TSPOAP1: variants seen among roughly 807,000 people sequenced by gnomAD.
The protein encoded by TSPOAP1 is peripheral-type benzodiazepine receptor-associated protein 1.
In TSPOAP1, 87 loss-of-function variants were observed where a neutral mutation model predicts 197.0. That is an observed-to-expected ratio of 0.44 (90% CI 0.37 to 0.53). The LOEUF is 0.53. TSPOAP1 is among the 20% of genes least tolerant of loss of function. The pLI is 0.00. For missense variants in TSPOAP1, 2,174 were observed against 2,411.3 expected, an observed-to-expected ratio of 0.90 and a Z score of 2.06; for synonymous variants, 913 against 998.9, an observed-to-expected ratio of 0.91 and a Z score of 1.62.
In TSPOAP1 at chr17:58,326,451, T is replaced by C. The variant is rs1316151050; in HGVS notation, c.442-30A>G. 35 of 1,611,314 alleles carry C rather than the reference T, an allele frequency of 2.2e-5. No homozygotes were observed. The highest frequency in any genetic ancestry group is 2.8e-5 in the Non-Finnish European group (33 of 1,179,282). ...CAAGGGGTCAGGCAGAATTGGGGCA[T>C]GTAGGGAGCACCCCACAGACCCAGT... On this transcript the variant is annotated intron_variant, in intron 2 of 31. Transcript: ENST00000343736. The surrounding 1 kb of genome is among the most constrained non-coding windows in gnomAD (Gnocchi z 4.7).
Position 58,305,633 on chromosome 17 carries a change from CT to C in TSPOAP1, c.5267del (p.Lys1756SerfsTer8). 1 of 1,529,460 alleles carries C rather than the reference CT, an allele frequency of 6.5e-7. No homozygotes were observed. Among genetic ancestry groups the C allele is most frequent in the Non-Finnish European group, 8.8e-7 (1 of 1,133,412 alleles). 94.7% of individuals were successfully genotyped at this position (1,529,460 alleles called of 1,614,324 possible). On this transcript the variant is annotated frameshift_variant, in exon 28 of 32. Transcript: ENST00000343736. LOFTEE classifies it high-confidence loss of function. ...GPAQPCPGPP[K>X]LVPSADLKAP... ...CTTTCAGGTCAGCAGAGGGGACCAG[CT>C]TAGGGGGGCCTGCAGGGGGAGTAGG...
intron 16 of TSPOAP1, among the ~76,000 whole-genome samples, chr17:58,313,771 A>G (rs946965910): frequency 3.3e-5 from 5 of 152,178 alleles, no homozygotes; most frequent in African/African-American, 1.2e-4. Flanking sequence ...AGACAAATGA[A>G]GTAAGTGCTA....
At chr17:58,306,085 G>C (rs568966196) in intron 26 of TSPOAP1, among the ~76,000 whole-genome samples, 32 of 152,330 alleles carry the variant, frequency 2.1e-4, no homozygotes, top group African/African-American at 7.7e-4. Context: ...GTGCCTGTGG[G>C]AACAGAGAGC....
intron 12 of TSPOAP1, 139 bp downstream of exon 12, chr17:58,319,970 A>G (rs1971355932): frequency 1.7e-6 from 2 of 1,148,676 alleles, no homozygotes; most frequent in East Asian, 4.9e-5. Context: ...TGGGAACTCC[A>G]CCCCCTATGG....
At chr17:58,313,015 G>A (rs966372342) in intron 16 of TSPOAP1, among the ~76,000 whole-genome samples, 5 of 152,192 alleles carry the variant, frequency 3.3e-5, no homozygotes, top group Non-Finnish European at 7.3e-5. Context: ...GTTGGGTCTG[G>A]ATGGGGCTGA....
chr17:58,325,487 C>T, intron 4 of TSPOAP1, 47 bp downstream of exon 4: 1 of 1,606,014 alleles, frequency 6.2e-7, no homozygotes, highest in Non-Finnish European at 8.5e-7. Flanking sequence ...AGGCAGATGG[C>T]CCTGTGCAGG....
Position 58,304,971 on chromosome 17 carries a change from T to C in TSPOAP1, c.5544+90A>G. The C allele has an allele frequency of 4.1e-6, 4 of 977,760 alleles. No individual in the cohort carries two copies. The highest frequency in any genetic ancestry group is 6.6e-6 in the Non-Finnish European group (4 of 602,518). The allele number at this position is 977,760 out of a possible 1,614,324, so 60.6% of individuals were successfully genotyped here. A position where few individuals can be genotyped will look rare whatever the true frequency, so the allele number is the denominator to read the frequency against. On this transcript the variant is annotated intron_variant, in intron 30 of 31. Transcript: ENST00000343736. The surrounding 1 kb of genome is among the most constrained non-coding windows in gnomAD (Gnocchi z 4.2). Reference sequence around the variant, plus strand: ...TGCTTACCTGCATGACCACCCCAGCTGCACCCCTGCCGCAACACTGCCCTG... The same window carrying C: ...TGCTTACCTGCATGACCACCCCAGCCGCACCCCTGCCGCAACACTGCCCTG...
Position 58,311,964 on chromosome 17 carries a change from C to G in TSPOAP1, c.2857G>C (p.Gly953Arg), listed in dbSNP as rs1971089419. The change falls in exon 17 of 32, where the codon GGG becomes CGG. Residue 953 changes from glycine to arginine, a missense_variant. By Grantham distance (125) the Gly-to-Arg change is moderately radical. Coordinates refer to ENST00000343736, the MANE Select transcript of TSPOAP1 (RefSeq NM_004758.4). Reference sequence around the variant, plus strand: ...CTCTCCCAGCCTGGTTCCCAGGGCCCTTGGGGTGGGAGCTGAGCCTCCACT... The same window carrying G: ...CTCTCCCAGCCTGGTTCCCAGGGCCGTTGGGGTGGGAGCTGAGCCTCCACT... Reference protein sequence around the residue: ...AQVEAQLPPQGPWEPGWERLE... With the variant: ...AQVEAQLPPQRPWEPGWERLE... The G allele has an allele frequency of 1.2e-6, 2 of 1,605,890 alleles. No homozygotes were observed. The highest frequency in any genetic ancestry group is 1.7e-6 in the Non-Finnish European group (2 of 1,175,602).
In TSPOAP1 at chr17:58,312,166, G is replaced by A. The variant is rs779524830; in HGVS notation, c.2655C>T (p.Pro885=). ...TCAACCGATGGACCCGCAGCTGGCT[G>A]GGCACCACTCCGGCCCGGGCACCCA... ...LAVGARAGVV[P]SQLRVHRLTA... Residue 885 remains proline, a synonymous_variant, in exon 17 of 32, where the codon CCC becomes CCT. Transcript: ENST00000343736. 2 of 1,613,098 alleles carry A rather than the reference G, an allele frequency of 1.2e-6. No individual in the cohort carries two copies. Among genetic ancestry groups the A allele is most frequent in the Admixed American group, 1.7e-5 (1 of 60,032 alleles).
chr17:58,310,600 G>C lies in TSPOAP1; in HGVS notation c.3611C>G (p.Ser1204Cys). ...CTGCTGGGCCCGTGCTCCCTGGGTG[G>C]AGCTGGAGGCCGGACAGGCCTCTCC... Reference protein sequence around the residue: ...TAGEACPASSSTQGARAQQAP... With the variant: ...TAGEACPASSCTQGARAQQAP... The change falls in exon 20 of 32, where the codon TCC (serine) becomes TGC (cysteine). Residue 1204 changes from serine to cysteine, a missense_variant. Coordinates refer to ENST00000343736, the MANE Select transcript of TSPOAP1 (RefSeq NM_004758.4). 1 of 1,613,334 alleles carries C rather than the reference G, an allele frequency of 6.2e-7. No homozygotes were observed. Among genetic ancestry groups the C allele is most frequent in the Non-Finnish European group, 8.5e-7 (1 of 1,180,040 alleles).
intron 4 of TSPOAP1, 150 bp downstream of exon 4, chr17:58,325,384 C>T: frequency 7.2e-6 from 7 of 973,602 alleles, no homozygotes; most frequent in Non-Finnish European, 1.1e-5. Flanking sequence ...CTCCCCTCTC[C>T]CACCTGGGCC....
chr17:58,306,784 C>G lies in TSPOAP1; in HGVS notation c.5152+16G>C, dbSNP rs1387428337. The stretch of plus-strand genomic sequence containing the variant: ...GGGCTGGTGGGAGGTGGGTGAGGGA[C>G]AGCAGCAGGTCATACCTGAGCCCTC... On this transcript the variant is annotated intron_variant, in intron 25 of 31. Transcript: ENST00000343736. 1 of 1,600,312 alleles carries G rather than the reference C, an allele frequency of 6.2e-7. No individual in the cohort carries two copies. Among genetic ancestry groups the G allele is most frequent in the Non-Finnish European group, 8.5e-7 (1 of 1,169,612 alleles).
chr17:58,308,212 C>T (rs138284624), intron 22 of TSPOAP1, among the ~76,000 whole-genome samples: 1,572 of 152,326 alleles, frequency 0.01, 15 homozygotes, highest in Non-Finnish European at 0.013. Flanking sequence ...AGGAGGGCCT[C>T]CCGTCAGCAT....
Position 58,326,618 on chromosome 17 carries a change from G to A in TSPOAP1, c.441+65C>T. On this transcript the variant is annotated intron_variant, in intron 2 of 31. Coordinates refer to ENST00000343736, the MANE Select transcript of TSPOAP1 (RefSeq NM_004758.4). The surrounding 1 kb of genome is among the most constrained non-coding windows in gnomAD (Gnocchi z 4.7). ...ACTTGGAAAGATGTTCATGGGGTGA[G>A]GAGGGCACTGAGGCAGAGGGCCTGG... 1 of 1,568,766 alleles carries A rather than the reference G, an allele frequency of 6.4e-7. No homozygotes were observed. The highest frequency in any genetic ancestry group is 1.7e-5 in the Admixed American group (1 of 59,382).
At position 58,325,652 on chromosome 17, in the gene TSPOAP1, C is replaced by A. The variant is rs368018499; in HGVS notation, c.632G>T (p.Arg211Leu). The A allele has an allele frequency of 5.0e-6, 8 of 1,613,072 alleles. No individual in the cohort carries two copies. The East Asian group carries it at 1.6e-4, about 31-fold the overall frequency. ...CTCACTGAGGTCCCGGGCTCGCTGG[C>A]GGGCTAGGGCCTTCCGACACAACTC... is the stretch of plus-strand genomic sequence containing the variant. ...SLELCRKALA[R>L]QRARDLSETA... Residue 211 changes from arginine (R) to leucine (L), a missense_variant, in exon 4 of 32, where the codon CGC becomes CTC. By Grantham distance (102) the Arg-to-Leu change is moderately radical. Coordinates refer to ENST00000343736, the MANE Select transcript of TSPOAP1 (RefSeq NM_004758.4).
In TSPOAP1 at chr17:58,312,199, G is replaced by A. The variant is rs140631862; in HGVS notation, c.2622C>T (p.Cys874=). The A allele has an allele frequency of 9.9e-6, 16 of 1,612,826 alleles. No homozygotes were observed. Among genetic ancestry groups the A allele is most frequent in the African/African-American group, 2.7e-5 (2 of 74,950 alleles). ...CTCCGGCCCGGGCACCCACCGCCAAGCAACAGCGCAGTGGGTCAGAGCTGC... is the reference window on the plus strand; with the variant it reads ...CTCCGGCCCGGGCACCCACCGCCAAACAACAGCGCAGTGGGTCAGAGCTGC... ...SRGSSDPLRC[C]LAVGARAGVV... Residue 874 remains cysteine, a synonymous_variant, in exon 17 of 32, where the codon TGC becomes TGT. Transcript: ENST00000343736.
rs543666482 is a variant in TSPOAP1 at position 58,308,086 on chromosome 17, T to C, written c.4732-145A>G. On this transcript the variant is annotated intron_variant, in intron 22 of 31. Transcript: ENST00000343736. ...CTCCCGGAGCCTCGGCCCAGCCTGC[T>C]GGAGACCTCAGACACCCCCACAGTG... 609 of 883,094 alleles carry C rather than the reference T, an allele frequency of 6.9e-4. 1 individual carries two copies. Among genetic ancestry groups the C allele is most frequent in the Non-Finnish European group, 8.5e-4 (504 of 591,144 alleles). 54.7% of individuals were successfully genotyped at this position (883,094 alleles called of 1,614,324 possible).
In TSPOAP1 at chr17:58,309,962, G is replaced by A. The variant is rs746768437; in HGVS notation, c.3891+5C>T. 25 of 1,606,752 alleles carry A rather than the reference G, an allele frequency of 1.6e-5. No individual in the cohort carries two copies. Among genetic ancestry groups the A allele is most frequent in the Admixed American group, 8.4e-5 (5 of 59,782 alleles). Reference sequence around the variant, plus strand: ...GGGCCCAACAGCCCATCCCTACCCCGTTACCTTGGCCCCATTCTCCCTGAT... The same window carrying A: ...GGGCCCAACAGCCCATCCCTACCCCATTACCTTGGCCCCATTCTCCCTGAT... On this transcript the variant is annotated splice_donor_5th_base_variant and intron_variant, in intron 21 of 31. Coordinates refer to ENST00000343736, the MANE Select transcript of TSPOAP1 (RefSeq NM_004758.4). This position sits in a 1 kb window ranked among gnomAD's most constrained non-coding sequence, Gnocchi z 5.0.
Position 58,309,232 on chromosome 17 carries a change from T to C in TSPOAP1, c.4040A>G (p.Lys1347Arg), listed in dbSNP as rs1390404316. 2 of 1,613,782 alleles carry C rather than the reference T, an allele frequency of 1.2e-6. No individual in the cohort carries two copies. Among genetic ancestry groups the C allele is most frequent in the Non-Finnish European group, 1.7e-6 (2 of 1,179,966 alleles). The change falls in exon 22 of 32, where the codon AAG becomes AGG. Residue 1347 changes from lysine (K) to arginine (R), a missense_variant. By Grantham distance (26) the Lys-to-Arg change is conservative. Around this residue, in one of 5 missense-constraint regions of TSPOAP1, gnomAD observed 1,933 missense variants for 2,139.0 expected, o/e 0.90. Coordinates refer to ENST00000343736, the MANE Select transcript of TSPOAP1 (RefSeq NM_004758.4). The surrounding 1 kb of genome is among the most constrained non-coding windows in gnomAD (Gnocchi z 5.0). Reference protein sequence around the residue: ...EEEEEDEEEEKSGAGCSSRDP... With the variant: ...EEEEEDEEEERSGAGCSSRDP... ...TCGGGAAGAACAGCCTGCCCCTGAC[T>C]TCTCCTCCTCCTCGTCCTCCTCTTC...
Sources: gnomAD v4.1 joint callset for allele counts (sites outside exome capture counted in the v4.1 genomes callset) on GRCh38, gnomAD v4.1.1 for gene constraint, gnomAD v4.1.1 regional missense constraint, Gnocchi (gnomAD v3.1) non-coding constraint, MANE v1.5 for transcripts, NCBI Gene and HGNC (gene_info 2026-07-23, HGNC 2026-07-21) for gene names.